PAPPA: variants seen among roughly 807,000 people sequenced by gnomAD.
The protein encoded by PAPPA is pappalysin-1.
A neutral mutation model predicts 164.0 loss-of-function variants in PAPPA; 60 were observed. The ratio of observed to expected loss-of-function variants is 0.37; its 90% CI spans 0.30 to 0.45. The LOEUF is 0.45. Among genes scored for constraint, PAPPA ranks in the 20% least tolerant of loss-of-function variants. The pLI is 1.00. For missense variants in PAPPA, 1,782 were observed against 2,087.3 expected, an observed-to-expected ratio of 0.85 and a Z score of 2.85; for synonymous variants, 875 against 814.1, an observed-to-expected ratio of 1.07 and a Z score of -1.27.
intron 19 of PAPPA, among the ~76,000 whole-genome samples, chr9:116,371,835 G>C (rs920975755): frequency 2.6e-5 from 4 of 152,058 alleles, no homozygotes; most frequent in African/African-American, 9.7e-5. Context: ...CCCTCCCCAG[G>C]CCAGGCAATT....
At chr9:116,160,646 G>A (rs1476886367) in intron 1 of PAPPA, among the ~76,000 whole-genome samples, 3 of 152,142 alleles carry the variant, frequency 2.0e-5, no homozygotes, top group Admixed American at 6.5e-5. Flanking sequence ...ATCTACCTGT[G>A]GCTGAGGGCT....
In PAPPA at chr9:116,218,090, G is replaced by C. The variant is rs370945983; in HGVS notation, c.1919-1847G>C. Among the ~76,000 whole-genome samples the C allele has an allele frequency of 2.6e-3, 401 of 152,278 alleles. 12 individuals carry two copies. The South Asian group carries it at 0.075, about 29-fold the overall frequency. On this transcript the variant is annotated intron_variant, in intron 4 of 21. Transcript: ENST00000328252. ...ATTCAGGAGTTACATGGTGGGATCTGGGTTTGAGAGAGATTTACTCGGTTA... is the reference window on the plus strand; with the variant it reads ...ATTCAGGAGTTACATGGTGGGATCTCGGTTTGAGAGAGATTTACTCGGTTA...
At chr9:116,268,537 T>C (rs912720599) in intron 8 of PAPPA, among the ~76,000 whole-genome samples, 5 of 151,602 alleles carry the variant, frequency 3.3e-5, no homozygotes, top group Middle Eastern at 3.4e-3. Context: ...TTAGCCCAAT[T>C]TTTTTTTTAA....
intron 1 of PAPPA, among the ~76,000 whole-genome samples, chr9:116,162,180 A>T (rs980901139): frequency 2.0e-5 from 3 of 152,216 alleles, no homozygotes; most frequent in African/African-American, 4.8e-5. Context: ...TTGCTCTGCA[A>T]TAAGAAGCTT....
chr9:116,308,500 G>C (rs1021964061), intron 10 of PAPPA, among the ~76,000 whole-genome samples: 5 of 152,156 alleles, frequency 3.3e-5, no homozygotes, highest in African/African-American at 1.2e-4. Flanking sequence ...GGACACAAAG[G>C]CTCAGAGAGC....
intron 7 of PAPPA, among the ~76,000 whole-genome samples, chr9:116,244,286 C>A (rs187004130): frequency 6.6e-6 from 1 of 152,256 alleles, no homozygotes; most frequent in East Asian, 1.9e-4. Context: ...CTCTAATGCA[C>A]TACTAAACTT....
intron 20 of PAPPA, among the ~76,000 whole-genome samples, chr9:116,377,857 T>C (rs989004847): frequency 3.5e-4 from 53 of 151,954 alleles, no homozygotes; most frequent in African/African-American, 1.1e-3. Flanking sequence ...CTAAAAAGCA[T>C]AGGGAATGGG....
intron 21 of PAPPA, among the ~76,000 whole-genome samples, chr9:116,384,685 A>ATTCT (rs1380497798): frequency 6.6e-6 from 1 of 152,142 alleles, no homozygotes; most frequent in Non-Finnish European, 1.5e-5. Context: ...TTTATAGTTG[A>ATTCT]TTCTTACAAT....
intron 1 of PAPPA, among the ~76,000 whole-genome samples, chr9:116,177,610 T>A (rs985508817): frequency 6.6e-6 from 1 of 152,172 alleles, no homozygotes; most frequent in Non-Finnish European, 1.5e-5. Context: ...CCATGCAGGG[T>A]ATGACAGCAG....
At chr9:116,203,306 T>G (rs1441835432) in intron 2 of PAPPA, among the ~76,000 whole-genome samples, 1 of 152,228 alleles carries the variant, frequency 6.6e-6, no homozygotes, top group African/African-American at 2.4e-5. Context: ...CCTTGAGCTC[T>G]GGCCTTGCTC....
chr9:116,306,255 A>C (rs1262233480), intron 10 of PAPPA, among the ~76,000 whole-genome samples: 1 of 152,214 alleles, frequency 6.6e-6, no homozygotes, highest in East Asian at 1.9e-4. Flanking sequence ...AATTCTATCA[A>C]AGGCACATTC....
At chr9:116,175,167 G>A (rs1359138646) in intron 1 of PAPPA, among the ~76,000 whole-genome samples, 1 of 152,028 alleles carries the variant, frequency 6.6e-6, no homozygotes, top group East Asian at 1.9e-4. Context: ...TGGAAACATC[G>A]AGGGCCAGAA....
intron 2 of PAPPA, among the ~76,000 whole-genome samples, chr9:116,204,701 C>A (rs900032985): frequency 1.2e-4 from 18 of 152,290 alleles, no homozygotes; most frequent in African/African-American, 4.3e-4. Flanking sequence ...CAAGCATGAG[C>A]CACCATGCCC....
intron 10 of PAPPA, among the ~76,000 whole-genome samples, chr9:116,326,472 C>T (rs973556938): frequency 6.6e-6 from 1 of 152,110 alleles, no homozygotes; most frequent in African/African-American, 2.4e-5. Context: ...ATGTAGACAC[C>T]ATTAAATCTG....
chr9:116,215,187 G>C (rs1261994380), intron 4 of PAPPA, among the ~76,000 whole-genome samples: 1 of 152,108 alleles, frequency 6.6e-6, no homozygotes, highest in Non-Finnish European at 1.5e-5. Context: ...GGAGTGAGGA[G>C]ACCCAAGTTG....
intron 20 of PAPPA, among the ~76,000 whole-genome samples, chr9:116,379,508 C>A (rs1023116552): frequency 6.6e-6 from 1 of 152,058 alleles, no homozygotes; most frequent in African/African-American, 2.4e-5. Context: ...ACTATGCTCT[C>A]CTTGAGTCAT....
chr9:116,369,586 G>A (rs1373964106), intron 19 of PAPPA, among the ~76,000 whole-genome samples: 1 of 152,146 alleles, frequency 6.6e-6, no homozygotes, highest in Non-Finnish European at 1.5e-5. Flanking sequence ...TCTCACCCCA[G>A]TATCAGAGAT....
chr9:116,198,886 A>T (rs1427665459), intron 2 of PAPPA, among the ~76,000 whole-genome samples: 8 of 152,152 alleles, frequency 5.3e-5, no homozygotes, highest in Admixed American at 5.2e-4. Context: ...CTTTTATTTT[A>T]TGATATGAGG....
intron 1 of PAPPA, among the ~76,000 whole-genome samples, chr9:116,158,533 T>C (rs1843629104): frequency 1.3e-5 from 2 of 152,240 alleles, no homozygotes; most frequent in Non-Finnish European, 2.9e-5. Context: ...AGAGTGATGA[T>C]GGCACAAGTA....
Sources: allele counts gnomAD v4.1 joint callset (sites outside exome capture counted in the v4.1 genomes callset), GRCh38; gene constraint gnomAD v4.1.1; transcripts MANE v1.5; gene names NCBI Gene and HGNC (gene_info 2026-07-23, HGNC 2026-07-21).